Variants in TMEM178B observed in about 807,000 individuals in gnomAD.
The protein encoded by TMEM178B is transmembrane protein 178B.
In TMEM178B, 5 loss-of-function variants were observed where a neutral mutation model predicts 31.0. That is an observed-to-expected ratio of 0.16 (90% CI 0.08 to 0.34). The LOEUF (loss-of-function observed/expected upper bound fraction) is 0.34. Among genes scored for constraint, TMEM178B ranks in the 10% least tolerant of loss-of-function variants. The probability of loss-of-function intolerance (pLI) is 1.00; values close to 1 mark genes in which losing one functional copy is unlikely to be tolerated. For missense variants in TMEM178B, 275 were observed against 400.3 expected (o/e 0.69, Z 2.67); for synonymous variants, 164 against 164.0 (o/e 1.00, Z 0.00).
intron 2 of TMEM178B, among the ~76,000 whole-genome samples, chr7:141,375,288 A>C (rs933525894): frequency 2.6e-5 from 4 of 152,206 alleles, no homozygotes; most frequent in Non-Finnish European, 4.4e-5. Context: ...CCATGTTTGA[A>C]ACTGCTTGCA....
chr7:141,085,912 C>T (rs1794777949), intron 1 of TMEM178B, among the ~76,000 whole-genome samples: 1 of 151,932 alleles, frequency 6.6e-6, no homozygotes, highest in Non-Finnish European at 1.5e-5. Flanking sequence ...GTCCATGGCA[C>T]CACTGTTTGT....
At chr7:141,156,234 C>T (rs1796067995) in intron 1 of TMEM178B, among the ~76,000 whole-genome samples, 1 of 152,196 alleles carries the variant, frequency 6.6e-6, no homozygotes, top group African/African-American at 2.4e-5. Flanking sequence ...AATTACCTTC[C>T]TTGTGCCTCA....
At chr7:141,113,049 A>G (rs1451443530) in intron 1 of TMEM178B, among the ~76,000 whole-genome samples, 1 of 152,202 alleles carries the variant, frequency 6.6e-6, no homozygotes, top group Non-Finnish European at 1.5e-5. Context: ...TGGAATATCT[A>G]CTCAAGCTGT....
intron 2 of TMEM178B, among the ~76,000 whole-genome samples, chr7:141,382,049 C>G (rs1800325786): frequency 6.6e-6 from 1 of 152,202 alleles, no homozygotes; most frequent in African/African-American, 2.4e-5. Flanking sequence ...TCTCCTCTCC[C>G]ATTCAACGAA....
chr7:141,438,109 T>C (rs1264571255), intron 3 of TMEM178B, among the ~76,000 whole-genome samples: 1 of 152,138 alleles, frequency 6.6e-6, no homozygotes, highest in Non-Finnish European at 1.5e-5. Context: ...ATGCAGGCCC[T>C]GGGCATTAGT....
rs376870246 is a variant in TMEM178B at position 141,109,592 on chromosome 7, A to AG, written c.382+34907dup. On this transcript the variant is annotated intron_variant, in intron 1 of 3. Coordinates refer to ENST00000565468, the MANE Select transcript of TMEM178B (RefSeq NM_001195278.2). ...CCTTTGCTAGATTGTAAGCATTGCAAGGGGGGGACTGTGTCTTTCTCCTCA... is the reference window on the plus strand; with the variant it reads ...CCTTTGCTAGATTGTAAGCATTGCAAGGGGGGGGACTGTGTCTTTCTCCTCA... 1.8e-4 allele frequency among the ~76,000 whole-genome samples: 27 copies of AG among 152,200 alleles called. 1 individual carries two copies. In the East Asian group the frequency reaches 3.1e-3, roughly 17 times the overall value.
At chr7:141,132,144 G>A (rs1399105674) in intron 1 of TMEM178B, among the ~76,000 whole-genome samples, 1 of 152,132 alleles carries the variant, frequency 6.6e-6, no homozygotes, top group African/African-American at 2.4e-5. Flanking sequence ...GAAACTCACT[G>A]TGGATTCAGT....
At chr7:141,132,907 A>G (rs1295588971) in intron 1 of TMEM178B, among the ~76,000 whole-genome samples, 5 of 152,222 alleles carry the variant, frequency 3.3e-5, no homozygotes, top group Non-Finnish European at 1.5e-5. Flanking sequence ...TGTCTCCCAC[A>G]GAGCCTTGCC....
chr7:141,417,363 C>T (rs1245809131), intron 2 of TMEM178B, among the ~76,000 whole-genome samples: 1 of 152,182 alleles, frequency 6.6e-6, no homozygotes, highest in Admixed American at 6.5e-5. Flanking sequence ...AACAAGAGAA[C>T]CCCAAGGCTT....
chr7:141,314,729 G>T (rs1342081561), intron 2 of TMEM178B, among the ~76,000 whole-genome samples: 2 of 152,068 alleles, frequency 1.3e-5, no homozygotes, highest in African/African-American at 4.8e-5. Flanking sequence ...CTCCTTCTCT[G>T]TCCATCAATG....
At chr7:141,312,985 A>G (rs1048505397) in intron 2 of TMEM178B, among the ~76,000 whole-genome samples, 1 of 152,244 alleles carries the variant, frequency 6.6e-6, no homozygotes. Context: ...GGGAGAAGAT[A>G]AAGAATGCCT....
rs1000507132 is a variant in TMEM178B at position 141,240,862 on chromosome 7, T to C, written c.496+28158T>C. 5.3e-5 allele frequency among the ~76,000 whole-genome samples: 8 copies of C among 152,204 alleles called. 1 individual carries two copies. The South Asian group carries it at 1.7e-3, about 31-fold the overall frequency. Reference sequence around the variant, plus strand: ...TTGTGATTTGGTATCTGCTAGCTTTTGTTAAGTTTTCTGAAAGGTGGGTGC... The same window carrying C: ...TTGTGATTTGGTATCTGCTAGCTTTCGTTAAGTTTTCTGAAAGGTGGGTGC... On this transcript the variant is annotated intron_variant, in intron 2 of 3. Transcript: ENST00000565468.
At chr7:141,414,523 C>T (rs1428506513) in intron 2 of TMEM178B, 2 of 151,052 alleles carry the variant, frequency 1.3e-5, no homozygotes, top group Admixed American at 1.3e-4. Flanking sequence ...CAATATGCTT[C>T]TTACATAAAA....
At chr7:141,209,598 C>A (rs1043080998) in intron 1 of TMEM178B, among the ~76,000 whole-genome samples, 1 of 152,138 alleles carries the variant, frequency 6.6e-6, no homozygotes, top group African/African-American at 2.4e-5. Context: ...AGACAACATC[C>A]CTGCCCTTGA....
intron 2 of TMEM178B, among the ~76,000 whole-genome samples, chr7:141,374,825 C>A (rs2116576258): frequency 6.6e-6 from 1 of 152,340 alleles, no homozygotes; most frequent in South Asian, 2.1e-4. Context: ...TAGATGAGAT[C>A]ATTACTGGAG....
chr7:141,407,906 G>T (rs982363462), intron 2 of TMEM178B, among the ~76,000 whole-genome samples: 1 of 152,156 alleles, frequency 6.6e-6, no homozygotes, highest in African/African-American at 2.4e-5. Context: ...ACATGTATAT[G>T]ATGCTTTAAA....
intron 2 of TMEM178B, among the ~76,000 whole-genome samples, chr7:141,296,756 A>T (rs1798641290): frequency 6.6e-6 from 1 of 152,222 alleles, no homozygotes; most frequent in Non-Finnish European, 1.5e-5. Context: ...GCAATCTGGC[A>T]GAATTTTAAG....
intron 1 of TMEM178B, among the ~76,000 whole-genome samples, chr7:141,130,759 C>A (rs2129177671): frequency 6.6e-6 from 1 of 152,048 alleles, no homozygotes; most frequent in East Asian, 1.9e-4. Flanking sequence ...TTACTATATT[C>A]CAGGAATTAT....
At chr7:141,173,707 T>TTC (rs1796383039) in intron 1 of TMEM178B, among the ~76,000 whole-genome samples, 1 of 152,216 alleles carries the variant, frequency 6.6e-6, no homozygotes, top group Non-Finnish European at 1.5e-5. Context: ...AGTCTTATAC[T>TTC]AGTTTTGGAT....
Sources: allele counts gnomAD v4.1 joint callset (sites outside exome capture counted in the v4.1 genomes callset), GRCh38; gene constraint gnomAD v4.1.1; transcripts MANE v1.5; gene names NCBI Gene and HGNC (gene_info 2026-07-23, HGNC 2026-07-21).